The following PRDM11 variants were observed in gnomAD, a reference collection of about 807,000 sequenced individuals.
The protein encoded by PRDM11 is PR domain-containing protein 11.
In PRDM11, 20 loss-of-function variants were observed where a neutral mutation model predicts 97.8. That is an observed-to-expected ratio of 0.20 (90% CI 0.14 to 0.30). The LOEUF is 0.30. Ranked by LOEUF, PRDM11 falls within the 10% of genes least tolerant of loss-of-function variation. The probability of loss-of-function intolerance (pLI) is 1.00; values close to 1 mark genes in which losing one functional copy is unlikely to be tolerated. For missense variants in PRDM11, 1,139 were observed against 1,555.2 expected, an observed-to-expected ratio of 0.73 and a Z score of 4.50; for synonymous variants, 599 against 637.7, an observed-to-expected ratio of 0.94 and a Z score of 0.91.
In PRDM11 at chr11:45,212,334, G is replaced by A. The variant is rs1194156427; in HGVS notation, c.555-7236G>A. ...TTGGGGAACGTGGATTTCTCTATGG[G>A]CGGGGGCCAAACTAGACCGCAGGGT... On this transcript the variant is annotated intron_variant, in intron 5 of 7. Transcript: ENST00000683152. 1.2e-5 allele frequency: 4 copies of A among 326,200 alleles called. No individual in the cohort carries two copies. In the East Asian group the frequency reaches 3.5e-4, roughly 28 times the overall value. 20.2% of individuals were successfully genotyped at this position (326,200 alleles called of 1,614,324 possible). A position where few individuals can be genotyped will look rare whatever the true frequency, so the allele number is the denominator to read the frequency against.
intron 1 of PRDM11, among the ~76,000 whole-genome samples, chr11:45,158,913 A>C (rs1018695175): frequency 3.9e-5 from 6 of 152,232 alleles, no homozygotes; most frequent in African/African-American, 1.4e-4. Context: ...CCAGGGGCAC[A>C]GTCTGGCCCC....
At chr11:45,128,438 C>T (rs578010707) in intron 1 of PRDM11, among the ~76,000 whole-genome samples, 11 of 151,706 alleles carry the variant, frequency 7.3e-5, no homozygotes, top group East Asian at 3.9e-4. Context: ...TCTTCTGCGT[C>T]GCTCACGCTG....
At chr11:45,171,953 C>A (rs897737323) in intron 1 of PRDM11, among the ~76,000 whole-genome samples, 2 of 152,164 alleles carry the variant, frequency 1.3e-5, no homozygotes, top group African/African-American at 4.8e-5. Context: ...CTGGTGCAGA[C>A]CCCACAAGAT....
chr11:45,191,806 T>TTTTTTA (rs1554971567), intron 4 of PRDM11, among the ~76,000 whole-genome samples: 3 of 148,050 alleles, frequency 2.0e-5, no homozygotes, highest in Non-Finnish European at 1.5e-5. Flanking sequence ...CAAACTAGGT[T>TTTTTTA]TTATTATTAT....
At chr11:45,212,723 G>C in intron 5 of PRDM11, 1 of 456,276 alleles carries the variant, frequency 2.2e-6, no homozygotes, top group Non-Finnish European at 4.4e-6. Flanking sequence ...GCTCCTCCAC[G>C]TCCATGCCCA....
At chr11:45,107,471 T>C (rs1852082181) in intron 1 of PRDM11, among the ~76,000 whole-genome samples, 1 of 152,198 alleles carries the variant, frequency 6.6e-6, no homozygotes, top group South Asian at 2.1e-4. Flanking sequence ...GTTTTGTGTA[T>C]ACAGTTGTGA....
chr11:45,170,752 G>T (rs980832100), intron 1 of PRDM11, among the ~76,000 whole-genome samples: 1 of 152,208 alleles, frequency 6.6e-6, no homozygotes, highest in Admixed American at 6.5e-5. Context: ...TGTGGGTGGG[G>T]AATGGACAGT....
At chr11:45,095,898 G>C in exon 1 of PRDM11, 2 of 781,042 alleles carry the variant, frequency 2.6e-6, no homozygotes, top group South Asian at 1.3e-5. Context: ...ACCAGAGAGA[G>C]AAAGTAAGTT....
chr11:45,152,940 G>A (rs2135687834), intron 1 of PRDM11, among the ~76,000 whole-genome samples: 1 of 152,350 alleles, frequency 6.6e-6, no homozygotes, highest in Non-Finnish European at 1.5e-5. Flanking sequence ...GGAGGAAGCT[G>A]ACATGGTGAT....
At position 45,149,538 on chromosome 11, in the gene PRDM11, C is replaced by G. The variant is rs573463529; in HGVS notation, c.-7+2661C>G. ...CTTACTATTTCCGGTTCTTCCATTT[C>G]CACAGTAGGTTGACTGGAGCTCTAC... On this transcript the variant is annotated intron_variant, in intron 1 of 7. Coordinates refer to ENST00000683152, the MANE Select transcript of PRDM11 (RefSeq NM_001384648.1). 2.6e-5 allele frequency among the ~76,000 whole-genome samples: 4 copies of G among 152,368 alleles called. No individual in the cohort carries two copies. In the South Asian group the frequency reaches 8.3e-4, roughly 32 times the overall value.
In PRDM11 at chr11:45,227,962, G is replaced by A. The variant is rs2135861121; in HGVS notation, c.3337G>A (p.Asp1113Asn). Residue 1113 changes from aspartate to asparagine, a missense_variant, in exon 8 of 8, where the codon GAC becomes AAC. Physicochemically the swap from Asp to Asn is conservative, Grantham distance 23 (BLOSUM62 1). This residue lies in a region of PRDM11 where 710 missense variants were observed against 1,044.9 expected (regional missense o/e 0.68). Coordinates refer to ENST00000683152, the MANE Select transcript of PRDM11 (RefSeq NM_001384648.1). The surrounding 1 kb of genome is among the most constrained non-coding windows in gnomAD (Gnocchi z 8.0). ...RSRLTLEQLS[D>N]LLTIAVNGPP... ...CCGCCTGACCCTGGAGCAGCTTAGC[G>A]ACCTGTTGACAATCGCTGTAAACGG... 1.3e-6 allele frequency: 2 copies of A among 1,533,838 alleles called. No homozygotes were observed. The highest frequency in any genetic ancestry group is 2.4e-5 in the East Asian group (1 of 40,904).
intron 4 of PRDM11, among the ~76,000 whole-genome samples, chr11:45,193,143 C>G (rs1321072864): frequency 6.6e-6 from 1 of 152,180 alleles, no homozygotes; most frequent in Non-Finnish European, 1.5e-5. Flanking sequence ...ATGGCAAGAT[C>G]ATAGCTCACT....
intron 1 of PRDM11, among the ~76,000 whole-genome samples, chr11:45,173,789 C>G (rs1852261999): frequency 6.6e-6 from 1 of 152,114 alleles, no homozygotes; most frequent in Non-Finnish European, 1.5e-5. Context: ...TGGCTGGACC[C>G]CAGTTCCTGC....
intron 1 of PRDM11, among the ~76,000 whole-genome samples, chr11:45,103,945 C>G (rs1733398942): frequency 1.3e-5 from 2 of 152,138 alleles, no homozygotes; most frequent in African/African-American, 4.8e-5. Context: ...TGCTGTCACT[C>G]AGCACTTTCA....
At chr11:45,176,339 T>C (rs1852327804) in intron 1 of PRDM11, among the ~76,000 whole-genome samples, 1 of 152,180 alleles carries the variant, frequency 6.6e-6, no homozygotes, top group African/African-American at 2.4e-5. Context: ...ATCGTGCCAT[T>C]GTACTCCAGC....
intron 1 of PRDM11, among the ~76,000 whole-genome samples, chr11:45,099,038 G>A (rs1333571099): frequency 6.6e-6 from 1 of 152,284 alleles, no homozygotes; most frequent in Non-Finnish European, 1.5e-5. Flanking sequence ...TGGCAGGAGG[G>A]ATGTCTAGCC....
In PRDM11 at chr11:45,228,213, T is replaced by C; in HGVS notation, c.*54T>C. On this transcript the variant is annotated 3_prime_UTR_variant, in exon 8 of 8. Coordinates refer to ENST00000683152, the MANE Select transcript of PRDM11 (RefSeq NM_001384648.1). Reference sequence around the variant, plus strand: ...TGTTGAATATTTTTTTAATCTATACTCATAAGCTTTGATATATTATATAAA... The same window carrying C: ...TGTTGAATATTTTTTTAATCTATACCCATAAGCTTTGATATATTATATAAA... The C allele has an allele frequency of 1.8e-6, 2 of 1,141,592 alleles. No homozygotes were observed. Among genetic ancestry groups the C allele is most frequent in the East Asian group, 6.0e-5 (2 of 33,438 alleles). 70.7% of individuals were successfully genotyped at this position (1,141,592 alleles called of 1,614,324 possible). A position where few individuals can be genotyped will look rare whatever the true frequency, so the allele number is the denominator to read the frequency against.
intron 1 of PRDM11, among the ~76,000 whole-genome samples, chr11:45,131,117 C>T (rs1204747144): frequency 6.6e-6 from 1 of 152,138 alleles, no homozygotes; most frequent in Non-Finnish European, 1.5e-5. Flanking sequence ...CACACAGATA[C>T]AATGATGAGC....
intron 5 of PRDM11, chr11:45,213,563 T>C (rs1853854378): frequency 2.2e-6 from 1 of 456,374 alleles, no homozygotes; most frequent in African/African-American, 2.0e-5. Flanking sequence ...CTTGTGCGCG[T>C]GCTCAGCTGC....
Sources: allele counts gnomAD v4.1 joint callset (sites outside exome capture counted in the v4.1 genomes callset), GRCh38; gene constraint gnomAD v4.1.1; regional missense constraint gnomAD v4.1.1; non-coding constraint Gnocchi (gnomAD v3.1); transcripts MANE v1.5; gene names NCBI Gene and HGNC (gene_info 2026-07-23, HGNC 2026-07-21).